The following ERI1 variants were observed in gnomAD, a reference collection of about 807,000 sequenced individuals.
The protein encoded by ERI1 is 3'-5' exoribonuclease 1.
Under a neutral mutation model 39.7 loss-of-function variants are expected in ERI1, and 39 were observed. The ratio of observed to expected loss-of-function variants is 0.98; its 90% CI spans 0.76 to 1.28. The LOEUF is 1.28. Ranked by LOEUF, ERI1 falls within the 50% of genes most tolerant of loss-of-function variation. The pLI is 0.00. For synonymous variants in ERI1, 204 were observed against 149.6 expected (o/e 1.36, Z -2.65); for missense variants, 581 against 416.9 (o/e 1.39, Z -3.43).
chr8:9,090,455 A>C (rs1195087634), intron 3 of ERI1, among the ~76,000 whole-genome samples: 1 of 152,244 alleles, frequency 6.6e-6, no homozygotes, highest in Non-Finnish European at 1.5e-5. Context: ...TACTTACTCT[A>C]GCTTATTGAT....
intron 3 of ERI1, among the ~76,000 whole-genome samples, chr8:9,044,630 G>A (rs1798122959): frequency 6.6e-6 from 1 of 152,062 alleles, no homozygotes; most frequent in South Asian, 2.1e-4. Context: ...TCTTTCAGGT[G>A]GAAACACAAG....
chr8:9,073,222 C>T (rs1177786634), intron 3 of ERI1, among the ~76,000 whole-genome samples: 1 of 152,246 alleles, frequency 6.6e-6, no homozygotes, highest in Non-Finnish European at 1.5e-5. Flanking sequence ...CATTATTTAT[C>T]TTTGCAGAAG....
In ERI1 at chr8:9,048,246, G is replaced by A. The variant is rs376578457; in HGVS notation, n.299+27782G>A. 3.3e-4 allele frequency among the ~76,000 whole-genome samples: 50 copies of A among 151,922 alleles called. 1 individual carries two copies. In the East Asian group the frequency reaches 8.0e-3, roughly 24 times the overall value. ...TCTGGAGGCACTGATTTGCTTCATC[G>A]ATCTGAGAGCAGCTTGGGCATAGGG... is the stretch of plus-strand genomic sequence containing the variant. On this transcript the variant is annotated intron_variant and non_coding_transcript_variant, in intron 3 of 3. Coordinates refer to the ERI1 transcript ENST00000518663.
rs372291015 is a variant in ERI1, at chr8:9,002,922, C to T, written c.-142C>T. On this transcript the variant is annotated 5_prime_UTR_variant, in exon 1 of 7. Transcript: ENST00000250263. The stretch of plus-strand genomic sequence containing the variant: ...ACACGCTCCCGGAAGTGGGAGGTGG[C>T]CGCTGGAGTTTGTGTGGCCGCCGCC... 2 of 524,126 alleles carry T rather than the reference C, an allele frequency of 3.8e-6. No homozygotes were observed. Among genetic ancestry groups the T allele is most frequent in the East Asian group, 3.5e-5 (1 of 28,340 alleles). 32.5% of individuals were successfully genotyped at this position (524,126 alleles called of 1,614,324 possible).
chr8:9,012,769 A>G (rs1160527515), intron 3 of ERI1, among the ~76,000 whole-genome samples: 1 of 152,156 alleles, frequency 6.6e-6, no homozygotes, highest in Admixed American at 6.5e-5. Flanking sequence ...TATTTTTCAC[A>G]CTGTGTAAAA....
At chr8:9,091,139 C>G (rs1242475901) in intron 3 of ERI1, 1 of 152,130 alleles carries the variant, frequency 6.6e-6, no homozygotes, top group Non-Finnish European at 1.5e-5. Context: ...CAAGAACACC[C>G]AGAAATTGCA....
At position 9,002,934 on chromosome 8, in the gene ERI1, G is replaced by C; in HGVS notation, c.-130G>C. Reference sequence around the variant, plus strand: ...AAGTGGGAGGTGGCCGCTGGAGTTTGTGTGGCCGCCGCCGCGGGAACGCGA... The same window carrying C: ...AAGTGGGAGGTGGCCGCTGGAGTTTCTGTGGCCGCCGCCGCGGGAACGCGA... On this transcript the variant is annotated 5_prime_UTR_variant, in exon 1 of 7. Coordinates refer to ENST00000250263, the MANE Select transcript of ERI1 (RefSeq NM_153332.4). 1 of 626,052 alleles carries C rather than the reference G, an allele frequency of 1.6e-6. No individual in the cohort carries two copies. Among genetic ancestry groups the C allele is most frequent in the Non-Finnish European group, 2.3e-6 (1 of 434,220 alleles). 38.8% of individuals were successfully genotyped at this position (626,052 alleles called of 1,614,324 possible).
chr8:9,073,475 T>C (rs540757604), intron 3 of ERI1, among the ~76,000 whole-genome samples: 1 of 152,204 alleles, frequency 6.6e-6, no homozygotes, highest in African/African-American at 2.4e-5. Flanking sequence ...GTAAAGGAGA[T>C]CAGTGAAGTA....
chr8:9,027,668 A>G (rs1194489737), intron 6 of ERI1, among the ~76,000 whole-genome samples: 2 of 152,188 alleles, frequency 1.3e-5, no homozygotes, highest in Non-Finnish European at 2.9e-5. Context: ...GGTGTAAGGT[A>G]AGGGTCCAAC....
At position 9,018,281 on chromosome 8, in the gene ERI1, A is replaced by G. The variant is rs1261955278; in HGVS notation, c.583-16A>G. 6.6e-7 allele frequency: 1 copy of G among 1,510,396 alleles called. No homozygotes were observed. The allele number at this position is 1,510,396 out of a possible 1,614,324, so 93.6% of individuals were successfully genotyped here. A position where few individuals can be genotyped will look rare whatever the true frequency, so the allele number is the denominator to read the frequency against. On this transcript the variant is annotated splice_polypyrimidine_tract_variant and intron_variant, in intron 4 of 6. Transcript: ENST00000250263. ...TGCAGCCCTGATTTTTGTATATTTTACTTTTATATCCTCAGGATCAGGTAG... is the reference window on the plus strand; with the variant it reads ...TGCAGCCCTGATTTTTGTATATTTTGCTTTTATATCCTCAGGATCAGGTAG...
chr8:9,020,245 G>C (rs1045404895), intron 5 of ERI1, 105 bp from the exon 6 acceptor site: 6 of 532,730 alleles, frequency 1.1e-5, no homozygotes, highest in Non-Finnish European at 1.6e-5. Context: ...TGTTACATTT[G>C]AATATGAGAA....
At chr8:9,094,428 A>T (rs1034042974) in intron 3 of ERI1, among the ~76,000 whole-genome samples, 2 of 152,118 alleles carry the variant, frequency 1.3e-5, no homozygotes, top group African/African-American at 4.8e-5. Flanking sequence ...CTGAGTCTCA[A>T]ACTTTTCAAT....
intron 3 of ERI1, among the ~76,000 whole-genome samples, chr8:9,077,953 A>G (rs1455045406): frequency 1.3e-5 from 2 of 151,264 alleles, no homozygotes; most frequent in Non-Finnish European, 3.0e-5. Context: ...GAATACTCTC[A>G]TGGTCTTGGT....
At chr8:9,082,214 T>C (rs1799393122) in intron 3 of ERI1, among the ~76,000 whole-genome samples, 1 of 152,228 alleles carries the variant, frequency 6.6e-6, no homozygotes, top group Non-Finnish European at 1.5e-5. Flanking sequence ...CCTCACAATG[T>C]CCTAAGACTC....
intron 3 of ERI1, among the ~76,000 whole-genome samples, chr8:9,045,721 G>A (rs982551362): frequency 1.4e-5 from 2 of 147,598 alleles, no homozygotes; most frequent in African/African-American, 5.0e-5. Flanking sequence ...CTGTCACCCA[G>A]GCTAGAGGGC....
chr8:9,018,938 C>T (rs774450253), intron 5 of ERI1, among the ~76,000 whole-genome samples: 2 of 152,052 alleles, frequency 1.3e-5, no homozygotes, highest in Non-Finnish European at 2.9e-5. Context: ...TTCCTTGAAA[C>T]CTTATAATTT....
chr8:9,058,744 C>G (rs1798591158), intron 3 of ERI1, among the ~76,000 whole-genome samples: 1 of 151,462 alleles, frequency 6.6e-6, no homozygotes, highest in Admixed American at 6.6e-5. Flanking sequence ...TAGAACAACT[C>G]AGCAAAATAA....
intron 3 of ERI1, among the ~76,000 whole-genome samples, chr8:9,062,092 G>C (rs1798718310): frequency 6.6e-6 from 1 of 152,172 alleles, no homozygotes; most frequent in Non-Finnish European, 1.5e-5. Flanking sequence ...TGGGGGAATT[G>C]TAAGGGGAGT....
intron 3 of ERI1, among the ~76,000 whole-genome samples, chr8:9,083,740 A>G (rs1799438278): frequency 6.6e-6 from 1 of 151,818 alleles, no homozygotes; most frequent in African/African-American, 2.4e-5. Context: ...AATTGCTTGA[A>G]TCCAGGAGTT....
Sources: allele counts gnomAD v4.1 joint callset (sites outside exome capture counted in the v4.1 genomes callset), GRCh38; gene constraint gnomAD v4.1.1; transcripts MANE v1.5; gene names NCBI Gene and HGNC (gene_info 2026-07-23, HGNC 2026-07-21).